Variants in ARFGAP3 observed in about 807,000 individuals in gnomAD.
ARFGAP3 encodes ARF GTPase activating protein 3, also known as ADP-ribosylation factor GTPase-activating protein 3.
A neutral mutation model predicts 75.0 loss-of-function variants in ARFGAP3; 72 were observed. The observed-to-expected ratio is 0.96, with a 90% CI of 0.79 to 1.17. The LOEUF (loss-of-function observed/expected upper bound fraction) is 1.17. Ranked by LOEUF, ARFGAP3 falls within the 50% of genes most tolerant of loss-of-function variation. The probability of loss-of-function intolerance (pLI) is 0.00; values close to 1 mark genes in which losing one functional copy is unlikely to be tolerated. For missense variants in ARFGAP3, 620 were observed against 626.6 expected (o/e 0.99, Z 0.11); for synonymous variants, 221 against 217.9 (o/e 1.01, Z -0.13).
At chr22:42,824,018 T>A (rs958556747) in intron 7 of ARFGAP3, among the ~76,000 whole-genome samples, 76 of 132,964 alleles carry the variant, frequency 5.7e-4, no homozygotes, top group Admixed American at 4.2e-3. Context: ...ATTTAAAAAA[T>A]ATATTACAAC....
chr22:42,835,324 T>C (rs781557904), intron 4 of ARFGAP3, 38 bp downstream of exon 4: 23 of 1,599,444 alleles, frequency 1.4e-5, no homozygotes, highest in South Asian at 1.4e-4. Flanking sequence ...GAAGTGAACA[T>C]GTATCTAAAG....
chr22:42,838,714 A>C (rs1926646556), intron 3 of ARFGAP3, among the ~76,000 whole-genome samples: 1 of 152,342 alleles, frequency 6.6e-6, no homozygotes, highest in Non-Finnish European at 1.5e-5. Flanking sequence ...ATAGGTTACC[A>C]GTGCTGTGCA....
At chr22:42,837,454 T>C (rs1337672771) in intron 3 of ARFGAP3, among the ~76,000 whole-genome samples, 1 of 151,882 alleles carries the variant, frequency 6.6e-6, no homozygotes, top group Non-Finnish European at 1.5e-5. Context: ...ACCCTGTCTC[T>C]ACTAAAAATG....
chr22:42,817,402 T>C (rs1330383756), intron 10 of ARFGAP3, 138 bp from the exon 11 acceptor site: 1 of 1,222,362 alleles, frequency 8.2e-7, no homozygotes, highest in Non-Finnish European at 1.1e-6. Flanking sequence ...AAAACAATTT[T>C]TTTTTCTGGT....
rs1304457492 is a variant in ARFGAP3, at chr22:42,817,829, CCTTATAGG to C, written c.833_840del (p.Ala278GlyfsTer3). ...TCTTTCTTCATTTGAATTTCAAGAT[CCTTATAGG>C]CTAATCGTAATGATGAAACACTGCC... On this transcript the variant is annotated frameshift_variant, in exon 10 of 16. Coordinates refer to ENST00000263245, the MANE Select transcript of ARFGAP3 (RefSeq NM_014570.5). LOFTEE classifies it high-confidence loss of function. The C allele has an allele frequency of 6.2e-7, 1 of 1,611,622 alleles. No individual in the cohort carries two copies. The highest frequency in any genetic ancestry group is 1.3e-5 in the African/African-American group (1 of 74,784).
In ARFGAP3 at chr22:42,820,200, C is replaced by T. The variant is rs569688651; in HGVS notation, c.812+2070G>A. Among the ~76,000 whole-genome samples, 5 of 152,276 alleles carry T rather than the reference C, an allele frequency of 3.3e-5. No homozygotes were observed. In the East Asian group the frequency reaches 5.8e-4, roughly 18 times the overall value. On this transcript the variant is annotated intron_variant, in intron 9 of 15. Coordinates refer to ENST00000263245, the MANE Select transcript of ARFGAP3 (RefSeq NM_014570.5). Reference sequence around the variant, plus strand: ...TGAGTAATCTGGACAGAGCCTACTCCCAAATACCAAGAGAAGCCATCGAAA... The same window carrying T: ...TGAGTAATCTGGACAGAGCCTACTCTCAAATACCAAGAGAAGCCATCGAAA...
intron 5 of ARFGAP3, among the ~76,000 whole-genome samples, chr22:42,832,178 AC>A (rs34255616): frequency 0.34 from 48,775 of 143,068 alleles, 8,497 homozygotes; most frequent in Non-Finnish European, 0.42. Context: ...AAAAAAAAAA[AC>A]CCAAAAAACA....
chr22:42,799,201 C>T, intron 14 of ARFGAP3, 41 bp from the exon 15 acceptor site: 1 of 1,606,294 alleles, frequency 6.2e-7, no homozygotes, highest in Non-Finnish European at 8.5e-7. Context: ...ACTGCCCTGG[C>T]CACAGCTGCG....
At position 42,848,231 on chromosome 22, in the gene ARFGAP3, CGG is replaced by C. The variant is rs374500582; in HGVS notation, c.70-601_70-600del. Among the ~76,000 whole-genome samples, 67 of 152,076 alleles carry C rather than the reference CGG, an allele frequency of 4.4e-4. 2 individuals are homozygous for C. The South Asian group carries it at 0.014, about 31-fold the overall frequency. On this transcript the variant is annotated intron_variant, in intron 1 of 15. Transcript: ENST00000263245. ...TATATTTATCTATTTATTTTTGAGA[CGG>C]AGTCTCGCTCTGTCGCCCAGGCTGG...
At chr22:42,809,450 G>C (rs1034218657) in intron 12 of ARFGAP3, among the ~76,000 whole-genome samples, 5 of 152,120 alleles carry the variant, frequency 3.3e-5, no homozygotes, top group African/African-American at 1.2e-4. Flanking sequence ...AGTTAAACCA[G>C]AGTAGGAAGG....
chr22:42,800,806 G>A (rs186356351), intron 14 of ARFGAP3, among the ~76,000 whole-genome samples: 71 of 152,322 alleles, frequency 4.7e-4, no homozygotes, highest in South Asian at 8.3e-4. Flanking sequence ...GGAGGGGCCG[G>A]GTGGCCATGG....
At chr22:42,848,209 A>T (rs1197519504) in intron 1 of ARFGAP3, among the ~76,000 whole-genome samples, 1 of 147,624 alleles carries the variant, frequency 6.8e-6, no homozygotes, top group Non-Finnish European at 1.5e-5. Flanking sequence ...TTATATATAT[A>T]TTTATCTATT....
At chr22:42,843,758 A>G (rs1255888084) in intron 2 of ARFGAP3, among the ~76,000 whole-genome samples, 2 of 152,220 alleles carry the variant, frequency 1.3e-5, no homozygotes, top group Non-Finnish European at 2.9e-5. Flanking sequence ...TAATAAGCTC[A>G]TGAAATACGT....
intron 2 of ARFGAP3, among the ~76,000 whole-genome samples, chr22:42,846,554 A>G (rs1288386371): frequency 6.6e-6 from 1 of 152,232 alleles, no homozygotes; most frequent in Non-Finnish European, 1.5e-5. Context: ...AGAGGGGCCA[A>G]TGCAGCCCAA....
chr22:42,807,933 C>T (rs1368337733), intron 13 of ARFGAP3, among the ~76,000 whole-genome samples: 2 of 151,124 alleles, frequency 1.3e-5, no homozygotes, highest in African/African-American at 4.9e-5. Flanking sequence ...TTTGTAGAGA[C>T]GGAGTTTCAT....
rs951406650 is a variant in ARFGAP3 at position 42,847,685 on chromosome 22, T to C, written c.70-53A>G. On this transcript the variant is annotated intron_variant, in intron 1 of 15. Transcript: ENST00000263245. ...TAATTTATGTTAGCCAAATAAATTA[T>C]CCTGTAAGATACAGTAAATGACTTA... is the stretch of plus-strand genomic sequence containing the variant. 10 of 1,590,504 alleles carry C rather than the reference T, an allele frequency of 6.3e-6. 1 individual carries two copies. In the South Asian group the frequency reaches 6.7e-5, roughly 11 times the overall value.
chr22:42,831,460 C>T, intron 6 of ARFGAP3, 89 bp downstream of exon 6: 1 of 1,337,608 alleles, frequency 7.5e-7, no homozygotes, highest in South Asian at 1.3e-5. Context: ...GCATGAGCCA[C>T]TGTGCCTGGC....
chr22:42,826,085 C>T (rs1002111178), intron 7 of ARFGAP3, among the ~76,000 whole-genome samples: 8 of 152,150 alleles, frequency 5.3e-5, no homozygotes, highest in African/African-American at 1.9e-4. Flanking sequence ...GAGTCTAAAA[C>T]ATGATGAAAA....
intron 15 of ARFGAP3, among the ~76,000 whole-genome samples, chr22:42,798,830 A>G (rs1424223469): frequency 6.6e-6 from 1 of 152,262 alleles, no homozygotes; most frequent in Non-Finnish European, 1.5e-5. Flanking sequence ...CAATTCCTCT[A>G]ACAATTCCCC....
Sources: gnomAD v4.1 joint callset for allele counts (sites outside exome capture counted in the v4.1 genomes callset) on GRCh38, gnomAD v4.1.1 for gene constraint, MANE v1.5 for transcripts, NCBI Gene and HGNC (gene_info 2026-07-23, HGNC 2026-07-21) for gene names.